Variants in ANK2 observed in about 807,000 individuals in gnomAD.
The protein encoded by ANK2 is ankyrin 2.
ANK2 carries 83 observed loss-of-function variants against 360.5 expected under a neutral mutation model. The ratio of observed to expected loss-of-function variants is 0.23; its 90% CI spans 0.19 to 0.28. The LOEUF (loss-of-function observed/expected upper bound fraction) is 0.28. Among genes scored for constraint, ANK2 ranks in the 10% least tolerant of loss-of-function variants. The pLI, the probability that ANK2 is intolerant of heterozygous loss-of-function variation, is 1.00. For missense variants in ANK2, 4,201 were observed against 4,795.7 expected, an observed-to-expected ratio of 0.88 and a Z score of 3.66; for synonymous variants, 1,740 against 1,759.5, an observed-to-expected ratio of 0.99 and a Z score of 0.28.
At chr4:112,857,639 T>C (rs1198721518) in intron 1 of ANK2, among the ~76,000 whole-genome samples, 1 of 152,184 alleles carries the variant, frequency 6.6e-6, no homozygotes, top group African/African-American at 2.4e-5. Context: ...CATGTTACTA[T>C]GCTGCAGTGA....
chr4:113,169,633 A>G (rs1222296148), intron 1 of ANK2, among the ~76,000 whole-genome samples: 1 of 152,176 alleles, frequency 6.6e-6, no homozygotes, highest in Non-Finnish European at 1.5e-5. Context: ...TTTTAAGGCT[A>G]GTAGGGACTG....
At chr4:112,722,284 T>C in the ANK2 span, among the ~76,000 whole-genome samples, 1 of 152,178 alleles carries the variant, frequency 6.6e-6, no homozygotes, top group African/African-American at 2.4e-5. Context: ...TCACTAACTC[T>C]CTCTGCAAAT....
At chr4:113,252,282 G>C (rs1050854660) in intron 10 of ANK2, among the ~76,000 whole-genome samples, 3 of 152,102 alleles carry the variant, frequency 2.0e-5, no homozygotes, top group Non-Finnish European at 4.4e-5. Context: ...TCTCCCACTG[G>C]GTCCCTCTCG....
At chr4:112,945,555 G>A (rs540677678) in intron 2 of ANK2, among the ~76,000 whole-genome samples, 1 of 152,218 alleles carries the variant, frequency 6.6e-6, no homozygotes, top group Admixed American at 6.5e-5. Flanking sequence ...CACATCAGTT[G>A]GAGGAACCTT....
chr4:113,060,783 C>T (rs1461758316), intron 1 of ANK2, among the ~76,000 whole-genome samples: 1 of 141,790 alleles, frequency 7.1e-6, no homozygotes, highest in Non-Finnish European at 1.5e-5. Flanking sequence ...TTATTAGATG[C>T]TTTCAGAATA....
intron 1 of ANK2, among the ~76,000 whole-genome samples, chr4:113,142,653 A>C (rs1363501141): frequency 2.6e-5 from 4 of 152,014 alleles, no homozygotes; most frequent in African/African-American, 7.2e-5. Flanking sequence ...TAATCATAGG[A>C]GTATGGATAT....
chr4:112,887,413 G>T (rs2078717404), intron 1 of ANK2, among the ~76,000 whole-genome samples: 1 of 152,202 alleles, frequency 6.6e-6, no homozygotes, highest in Non-Finnish European at 1.5e-5. Flanking sequence ...ACGCTGTTTG[G>T]TAGGTTAGGT....
intron 1 of ANK2, among the ~76,000 whole-genome samples, chr4:112,831,788 C>T (rs577705594): frequency 3.9e-5 from 6 of 152,308 alleles, no homozygotes; most frequent in African/African-American, 9.6e-5. Context: ...AGGTCTGCAG[C>T]TTCACTCCTG....
chr4:112,706,135 G>A, the ANK2 span, among the ~76,000 whole-genome samples: 1 of 151,624 alleles, frequency 6.6e-6, no homozygotes, highest in East Asian at 2.0e-4. Flanking sequence ...GAAACCCGGA[G>A]CCGCAGGAAG....
At chr4:113,157,957 A>G (rs776637982) in intron 1 of ANK2, among the ~76,000 whole-genome samples, 17 of 152,212 alleles carry the variant, frequency 1.1e-4, no homozygotes, top group Non-Finnish European at 2.1e-4. Context: ...TTAGCTATTA[A>G]TATTGTGGTA....
rs1437951257 is a variant in ANK2 at position 112,894,543 on chromosome 4, A to G, written c.-39-9912A>G. On this transcript the variant is annotated intron_variant, in intron 1 of 30. Transcript: ENST00000503271. ...AATGGAAGGTTGTAGATTTAGTAAC[A>G]CATTATTATGAGGAACTAAACATTT... Among the ~76,000 whole-genome samples, 8 of 152,336 alleles carry G rather than the reference A, an allele frequency of 5.3e-5. No individual in the cohort carries two copies. In the East Asian group the frequency reaches 1.5e-3, roughly 29 times the overall value.
At chr4:113,207,267 CT>C (rs2098962927) in intron 4 of ANK2, among the ~76,000 whole-genome samples, 1 of 152,192 alleles carries the variant, frequency 6.6e-6, no homozygotes, top group Non-Finnish European at 1.5e-5. Context: ...CTGAATCCTG[CT>C]TGTCATTTTA....
intron 9 of ANK2, among the ~76,000 whole-genome samples, chr4:113,245,299 A>G (rs1240630575): frequency 2.0e-5 from 3 of 152,196 alleles, no homozygotes; most frequent in Non-Finnish European, 2.9e-5. Flanking sequence ...ACTAAAATAA[A>G]TGAATATGTT....
chr4:112,982,472 TA>T (rs753554690), intron 2 of ANK2, among the ~76,000 whole-genome samples: 24 of 152,372 alleles, frequency 1.6e-4, no homozygotes, highest in Non-Finnish European at 2.5e-4. Context: ...TGAAACTTTC[TA>T]ATTTTAAAAA....
At chr4:113,135,218 T>G (rs1179761432) in intron 1 of ANK2, among the ~76,000 whole-genome samples, 3 of 152,164 alleles carry the variant, frequency 2.0e-5, no homozygotes, top group African/African-American at 7.2e-5. Flanking sequence ...TAAGACATGT[T>G]AGAAGTAAAG....
intron 2 of ANK2, among the ~76,000 whole-genome samples, chr4:112,930,827 G>T (rs2154236655): frequency 6.7e-6 from 1 of 149,140 alleles, no homozygotes. Flanking sequence ...GGCGGAGGTT[G>T]CAGTGAGCCG....
At chr4:113,129,810 A>T (rs184962016) in intron 1 of ANK2, among the ~76,000 whole-genome samples, 1 of 152,272 alleles carries the variant, frequency 6.6e-6, no homozygotes, top group Non-Finnish European at 1.5e-5. Context: ...TTCCTCTTTG[A>T]GTAAAATAAA....
intron 1 of ANK2, among the ~76,000 whole-genome samples, chr4:113,103,486 GA>G (rs1450827977): frequency 8.5e-5 from 13 of 152,226 alleles, no homozygotes; most frequent in African/African-American, 2.6e-4. Context: ...TTAAGGAAAA[GA>G]ATGTCAGTGA....
At chr4:113,026,388 T>C (rs1384039748) in intron 2 of ANK2, among the ~76,000 whole-genome samples, 1 of 152,204 alleles carries the variant, frequency 6.6e-6, no homozygotes, top group East Asian at 1.9e-4. Context: ...GTGATATATG[T>C]CCTGAAGATC....
Sources: gnomAD v4.1 joint callset for allele counts (sites outside exome capture counted in the v4.1 genomes callset) on GRCh38, gnomAD v4.1.1 for gene constraint, MANE v1.5 for transcripts, NCBI Gene and HGNC (gene_info 2026-07-23, HGNC 2026-07-21) for gene names.